The following CDH2 variants were observed in gnomAD, a reference collection of about 807,000 sequenced individuals.
CDH2 encodes cadherin 2.
A neutral mutation model predicts 92.0 loss-of-function variants in CDH2; 17 were observed. That is an observed-to-expected ratio of 0.18 (90% CI 0.13 to 0.28). The LOEUF is 0.28. Ranked by LOEUF, CDH2 falls within the 10% of genes least tolerant of loss-of-function variation. The probability of loss-of-function intolerance (pLI) is 1.00; values close to 1 mark genes in which losing one functional copy is unlikely to be tolerated. For missense variants in CDH2, 862 were observed against 1,133.1 expected (o/e 0.76, Z 3.44); for synonymous variants, 419 against 415.9 (o/e 1.01, Z -0.09).
chr18:28,051,409 G>A (rs988878352), intron 2 of CDH2, among the ~76,000 whole-genome samples: 2 of 152,124 alleles, frequency 1.3e-5, no homozygotes, highest in Admixed American at 6.6e-5. Flanking sequence ...ATAGGATGGT[G>A]TTATCTCTAC....
chr18:27,939,588 G>C (rs1338132619), intron 6 of CDH2, among the ~76,000 whole-genome samples: 1 of 152,158 alleles, frequency 6.6e-6, no homozygotes, highest in East Asian at 1.9e-4. Flanking sequence ...GTGCGTTGCA[G>C]ATGTGGCCCT....
chr18:28,022,043 C>T (rs112370734), intron 2 of CDH2, among the ~76,000 whole-genome samples: 4 of 151,908 alleles, frequency 2.6e-5, no homozygotes, highest in African/African-American at 9.7e-5. Context: ...GAAACTGCCA[C>T]AACAGTAAGT....
intron 2 of CDH2, among the ~76,000 whole-genome samples, chr18:28,079,810 T>C (rs1168134852): frequency 6.6e-6 from 1 of 152,150 alleles, no homozygotes; most frequent in African/African-American, 2.4e-5. Flanking sequence ...TTTTTAAAGG[T>C]AAATTCCACC....
chr18:27,946,645 A>G (rs1909274275), downstream of CDH2, among the ~76,000 whole-genome samples: 1 of 152,052 alleles, frequency 6.6e-6, no homozygotes, highest in Non-Finnish European at 1.5e-5. Context: ...CTTCCTAATT[A>G]CTTATTGTAG....
At chr18:27,935,445 A>T (rs921631765) in intron 6 of CDH2, among the ~76,000 whole-genome samples, 2 of 152,140 alleles carry the variant, frequency 1.3e-5, no homozygotes, top group Non-Finnish European at 2.9e-5. Context: ...ACCACTGGAA[A>T]CCACCCTCAT....
chr18:27,975,172 C>G (rs889510767), intron 14 of CDH2, among the ~76,000 whole-genome samples: 8 of 152,102 alleles, frequency 5.3e-5, no homozygotes, highest in Admixed American at 4.6e-4. Context: ...AAAACGGAGC[C>G]AATTGTCATG....
At chr18:28,048,603 A>G (rs74903052) in intron 2 of CDH2, among the ~76,000 whole-genome samples, 2,120 of 152,282 alleles carry the variant, frequency 0.014, 33 homozygotes, top group Non-Finnish European at 0.018. Flanking sequence ...CAGGACTACA[A>G]TGCTATTCAA....
At chr18:28,003,506 T>C (rs1027236423) in intron 6 of CDH2, among the ~76,000 whole-genome samples, 1 of 152,192 alleles carries the variant, frequency 6.6e-6, no homozygotes, top group African/African-American at 2.4e-5. Context: ...GTAATACAGA[T>C]ACCATTAGAA....
At chr18:28,153,294 G>A (rs1344284971) in intron 1 of CDH2, among the ~76,000 whole-genome samples, 1 of 152,080 alleles carries the variant, frequency 6.6e-6, no homozygotes, top group Non-Finnish European at 1.5e-5. Flanking sequence ...GTTAAGTTAT[G>A]GCTTCCTCCT....
chr18:28,024,378 A>C (rs946859892), intron 2 of CDH2, among the ~76,000 whole-genome samples: 3 of 151,598 alleles, frequency 2.0e-5, no homozygotes, highest in African/African-American at 7.3e-5. Context: ...TGAAATCTTA[A>C]GACAAAACAG....
chr18:28,030,095 A>T (rs1050359017), intron 2 of CDH2, among the ~76,000 whole-genome samples: 21 of 152,112 alleles, frequency 1.4e-4, no homozygotes, highest in Non-Finnish European at 2.4e-4. Context: ...AGATGCAATA[A>T]GCAGACTAGT....
intron 2 of CDH2, among the ~76,000 whole-genome samples, chr18:28,118,723 T>C (rs558097033): frequency 1.3e-5 from 2 of 152,020 alleles, no homozygotes; most frequent in Non-Finnish European, 2.9e-5. Context: ...TTAGGCCGTA[T>C]ACCTTAGTAG....
chr18:28,070,357 T>G (rs1248448676), intron 2 of CDH2, among the ~76,000 whole-genome samples: 1 of 152,192 alleles, frequency 6.6e-6, no homozygotes, highest in African/African-American at 2.4e-5. Flanking sequence ...ATAGGTATAA[T>G]TATCCCTGTT....
chr18:28,012,824 T>C (rs550086694), intron 3 of CDH2, among the ~76,000 whole-genome samples: 2 of 152,332 alleles, frequency 1.3e-5, no homozygotes, highest in African/African-American at 2.4e-5. Flanking sequence ...TCCTCTGATA[T>C]ATTATTCATG....
intron 2 of CDH2, among the ~76,000 whole-genome samples, chr18:28,028,316 G>A (rs1374019508): frequency 6.6e-6 from 1 of 152,010 alleles, no homozygotes; most frequent in Non-Finnish European, 1.5e-5. Flanking sequence ...GTACGTTACT[G>A]TTTTGTGAAA....
At chr18:28,160,075 T>C (rs1019545695) in intron 1 of CDH2, among the ~76,000 whole-genome samples, 1 of 152,016 alleles carries the variant, frequency 6.6e-6, no homozygotes, top group African/African-American at 2.4e-5. Context: ...CACAGAGTAT[T>C]TTGACCTTGA....
At chr18:28,016,513 G>A (rs1244436527) in intron 2 of CDH2, among the ~76,000 whole-genome samples, 1 of 152,130 alleles carries the variant, frequency 6.6e-6, no homozygotes, top group African/African-American at 2.4e-5. Context: ...AGAAGAAAAT[G>A]AATTAATACT....
In CDH2 at chr18:28,103,075, A is replaced by G. The variant is rs2015253127; in HGVS notation, c.172+44598T>C. Reference sequence around the variant, plus strand: ...ACTCAGAGTAGGCTGATACTCAGTAAACTGTCAGTGAAGAAACAAATGAAG... The same window carrying G: ...ACTCAGAGTAGGCTGATACTCAGTAGACTGTCAGTGAAGAAACAAATGAAG... On this transcript the variant is annotated intron_variant, in intron 2 of 15. Transcript: ENST00000269141. 2.7e-5 allele frequency among the ~76,000 whole-genome samples: 4 copies of G among 150,760 alleles called. No individual in the cohort carries two copies. In the South Asian group the frequency reaches 8.3e-4, roughly 31 times the overall value.
chr18:27,983,825 A>G lies in CDH2; in HGVS notation c.2210-742T>C, dbSNP rs539766880. On this transcript the variant is annotated intron_variant, in intron 13 of 15. Transcript: ENST00000269141. ...ATCCATCATGCCTAAGTCTTTCTTG[A>G]TAACATTGGCATCTATGCCACATTT... 3.3e-5 allele frequency among the ~76,000 whole-genome samples: 5 copies of G among 152,350 alleles called. No individual in the cohort carries two copies. The South Asian group carries it at 8.3e-4, about 25-fold the overall frequency.
Sources: allele counts gnomAD v4.1 joint callset (sites outside exome capture counted in the v4.1 genomes callset), GRCh38; gene constraint gnomAD v4.1.1; transcripts MANE v1.5; gene names NCBI Gene and HGNC (gene_info 2026-07-23, HGNC 2026-07-21).